The following CELF2 variants were observed in gnomAD, a reference collection of about 807,000 sequenced individuals.
The protein encoded by CELF2 is CUG triplet repeat RNA-binding protein 2.
In CELF2, 8 loss-of-function variants were observed where a neutral mutation model predicts 62.6. The observed-to-expected ratio is 0.13, with a 90% CI of 0.07 to 0.23. CELF2 has a LOEUF of 0.23. Ranked by LOEUF, CELF2 falls within the 10% of genes least tolerant of loss-of-function variation. CELF2 has a pLI of 1.00. For synonymous variants in CELF2, 258 were observed against 250.0 expected, an observed-to-expected ratio of 1.03 and a Z score of -0.30; for missense variants, 333 against 671.0, an observed-to-expected ratio of 0.50 and a Z score of 5.56.
chr10:10,556,500 C>T, the CELF2 span, among the ~76,000 whole-genome samples: 1,430 of 152,234 alleles, frequency 9.4e-3, 6 homozygotes, highest in Admixed American at 0.018. Context: ...CATACGTGTG[C>T]GTGTGTCTTT....
At chr10:11,154,561 G>A (rs1176227025) in intron 1 of CELF2, among the ~76,000 whole-genome samples, 6 of 152,220 alleles carry the variant, frequency 3.9e-5, no homozygotes, top group South Asian at 2.1e-4. Flanking sequence ...AGAGGCGCAC[G>A]TTTGAACTGC....
In CELF2 at chr10:11,012,242, C is replaced by T. The variant is rs1441827070; in HGVS notation, c.53+6802C>T. Among the ~76,000 whole-genome samples the T allele has an allele frequency of 2.0e-5, 3 of 152,222 alleles. No individual in the cohort carries two copies. The highest frequency in any genetic ancestry group is 7.2e-5 in the African/African-American group (3 of 41,456). ...TGCTTGCCCTAAAGATTCTGATCTG[C>T]ATGTACTGGATCAGATATCTTCTGA... is the stretch of plus-strand genomic sequence containing the variant. On this transcript the variant is annotated intron_variant, in intron 1 of 12. Coordinates refer to the CELF2 transcript ENST00000416382. The surrounding 1 kb of genome is among the most constrained non-coding windows in gnomAD (Gnocchi z 5.5).
intron 1 of CELF2, among the ~76,000 whole-genome samples, chr10:10,910,890 G>T (rs11256897): frequency 0.084 from 12,778 of 152,096 alleles, 1,132 homozygotes; most frequent in African/African-American, 0.22. Flanking sequence ...TTACATTTGC[G>T]ACTGCCAAAG....
the CELF2 span, among the ~76,000 whole-genome samples, chr10:10,477,712 G>A: frequency 1.3e-5 from 2 of 150,174 alleles, 1 homozygote; most frequent in South Asian, 4.2e-4. Context: ...GGGAAGAAAG[G>A]AAGGAAGGGA....
chr10:10,823,761 A>G lies in CELF2; in HGVS notation c.53+24944A>G, dbSNP rs191043947. On this transcript the variant is annotated intron_variant, in intron 1 of 13. Coordinates refer to the CELF2 transcript ENST00000636488. ...CCAAACAATGTTCTAAACATTTGAC[A>G]TCTATGAGCTTATTTAATTCTTGCA... 1.4e-3 allele frequency among the ~76,000 whole-genome samples: 212 copies of G among 152,348 alleles called. 1 individual carries two copies. Among genetic ancestry groups the G allele is most frequent in the East Asian group, 5.4e-3 (28 of 5,186 alleles).
chr10:10,878,698 A>G (rs1027302838), intron 1 of CELF2, among the ~76,000 whole-genome samples: 4 of 152,198 alleles, frequency 2.6e-5, no homozygotes, highest in Non-Finnish European at 5.9e-5. Context: ...ATACATCGCT[A>G]CTTGTGGAGG....
exon 1 of CELF2, chr10:10,798,737 G>C: frequency 2.5e-6 from 1 of 398,766 alleles, no homozygotes. Flanking sequence ...CCTCCTCTCC[G>C]GACTCGCCCT....
the CELF2 span, among the ~76,000 whole-genome samples, chr10:10,629,108 C>T: frequency 4.6e-5 from 7 of 152,302 alleles, no homozygotes; most frequent in Admixed American, 3.9e-4. Flanking sequence ...GATTCCCAAA[C>T]TTCTGTGCCC....
chr10:10,725,605 G>T, the CELF2 span, among the ~76,000 whole-genome samples: 1 of 152,182 alleles, frequency 6.6e-6, no homozygotes, highest in African/African-American at 2.4e-5. Flanking sequence ...CAGAGGCTGA[G>T]AGCCAGACGG....
At chr10:10,895,205 T>C (rs1175625527) in intron 1 of CELF2, among the ~76,000 whole-genome samples, 1 of 152,180 alleles carries the variant, frequency 6.6e-6, no homozygotes, top group Non-Finnish European at 1.5e-5. Flanking sequence ...TGATGTCCTT[T>C]ATTGACTTAC....
chr10:10,767,499 G>A, the CELF2 span, among the ~76,000 whole-genome samples: 2 of 152,268 alleles, frequency 1.3e-5, no homozygotes, highest in Admixed American at 1.3e-4. Context: ...TGTTACTACT[G>A]TATTAGAGAG....
At chr10:10,852,738 C>A (rs558366838) in intron 1 of CELF2, among the ~76,000 whole-genome samples, 1 of 152,316 alleles carries the variant, frequency 6.6e-6, no homozygotes, top group South Asian at 2.1e-4. Flanking sequence ...CATGATCTGT[C>A]TGTGTTATCT....
intron 9 of CELF2, among the ~76,000 whole-genome samples, chr10:11,301,655 C>T (rs1467887696): frequency 6.7e-6 from 1 of 149,900 alleles, no homozygotes; most frequent in Non-Finnish European, 1.5e-5. Context: ...GCGTGGCCCT[C>T]GGCAGCCCTG....
At position 11,314,006 on chromosome 10, in the gene CELF2, C is replaced by A; in HGVS notation, c.977-133C>A. The stretch of plus-strand genomic sequence containing the variant: ...CAAAATTGCCACAAGTACAATCCCA[C>A]ATGTCCTTCACCCAAAGCCACAAGC... On this transcript the variant is annotated intron_variant, in intron 9 of 12. Coordinates refer to ENST00000633077, the MANE Select transcript of CELF2 (RefSeq NM_001326342.2). The surrounding 1 kb of genome is among the most constrained non-coding windows in gnomAD (Gnocchi z 5.3). The A allele has an allele frequency of 1.1e-6, 1 of 903,496 alleles. No homozygotes were observed. The highest frequency in any genetic ancestry group is 1.7e-5 in the African/African-American group (1 of 59,728). 56.0% of individuals were successfully genotyped at this position (903,496 alleles called of 1,614,324 possible).
At chr10:11,089,767 G>A (rs1319505077) in intron 1 of CELF2, among the ~76,000 whole-genome samples, 4 of 152,120 alleles carry the variant, frequency 2.6e-5, no homozygotes, top group Non-Finnish European at 4.4e-5. Context: ...GCAAAGACAC[G>A]GAGTCAACCC....
chr10:10,813,022 A>C (rs2056086943), intron 1 of CELF2, among the ~76,000 whole-genome samples: 1 of 152,230 alleles, frequency 6.6e-6, no homozygotes, highest in African/African-American at 2.4e-5. Context: ...CGGATCCCGA[A>C]TCCCACCTCT....
chr10:11,080,302 G>T (rs1245886192), intron 1 of CELF2, among the ~76,000 whole-genome samples: 1 of 150,704 alleles, frequency 6.6e-6, no homozygotes, highest in South Asian at 2.1e-4. Flanking sequence ...ATTTTTACAA[G>T]TCTTTTACAG....
At chr10:10,527,076 ATCT>A in the CELF2 span, among the ~76,000 whole-genome samples, 2 of 152,190 alleles carry the variant, frequency 1.3e-5, no homozygotes, top group African/African-American at 4.8e-5. Flanking sequence ...TATTCGGTTG[ATCT>A]TCTTTCACCA....
chr10:10,766,938 A>C, the CELF2 span, among the ~76,000 whole-genome samples: 1 of 152,026 alleles, frequency 6.6e-6, no homozygotes, highest in Non-Finnish European at 1.5e-5. Flanking sequence ...GCACCCGTTC[A>C]TTTCTCACTG....
Sources: allele counts gnomAD v4.1 joint callset (sites outside exome capture counted in the v4.1 genomes callset), GRCh38; gene constraint gnomAD v4.1.1; non-coding constraint Gnocchi (gnomAD v3.1); transcripts MANE v1.5; gene names NCBI Gene and HGNC (gene_info 2026-07-23, HGNC 2026-07-21).